Variants in SLC15A5 observed in about 807,000 individuals in gnomAD.
SLC15A5 encodes the protein solute carrier family 15 member 5, also known as Peptide/histidine transporter ENSP00000340402.
A neutral mutation model predicts 56.1 loss-of-function variants in SLC15A5; 58 were observed. The observed-to-expected ratio is 1.03, with a 90% CI of 0.84 to 1.29. The LOEUF (loss-of-function observed/expected upper bound fraction) is 1.29, where lower values mean the gene tolerates loss of function less well. SLC15A5 is among the 50% of genes most tolerant of loss of function. SLC15A5 has a pLI of 0.00. For synonymous variants in SLC15A5, 264 were observed against 250.5 expected, an observed-to-expected ratio of 1.05 and a Z score of -0.51; for missense variants, 681 against 672.1, an observed-to-expected ratio of 1.01 and a Z score of -0.15.
chr12:16,238,629 C>CAA (rs36053667), intron 5 of SLC15A5, among the ~76,000 whole-genome samples: 1,411 of 115,858 alleles, frequency 0.012, 49 homozygotes, highest in East Asian at 0.038. Flanking sequence ...GACTCCGTCT[C>CAA]AAAAAAAAAA....
chr12:16,242,456 A>T (rs958089603), intron 4 of SLC15A5, among the ~76,000 whole-genome samples: 1 of 151,914 alleles, frequency 6.6e-6, no homozygotes, highest in Non-Finnish European at 1.5e-5. Context: ...GCTCTGCCAC[A>T]CATTAGCAAG....
chr12:16,266,131 CA>C (rs1864693900), intron 2 of SLC15A5, among the ~76,000 whole-genome samples: 1 of 152,104 alleles, frequency 6.6e-6, no homozygotes, highest in Non-Finnish European at 1.5e-5. Context: ...AGGTGAGGTA[CA>C]AAAAGTTATA....
At chr12:16,197,648 T>A (rs972039063) in intron 7 of SLC15A5, among the ~76,000 whole-genome samples, 1 of 152,040 alleles carries the variant, frequency 6.6e-6, no homozygotes, top group Non-Finnish European at 1.5e-5. Flanking sequence ...CCTTAGATTA[T>A]CACCTCCTCC....
At position 16,235,302 on chromosome 12, in the gene SLC15A5, GTA is replaced by G. The variant is rs1244156990; in HGVS notation, c.1162+4377_1162+4378del. Among the ~76,000 whole-genome samples the G allele has an allele frequency of 5.4e-5, 8 of 147,754 alleles. No individual in the cohort carries two copies. Among genetic ancestry groups the G allele is most frequent in the African/African-American group, 9.9e-5 (4 of 40,360 alleles). ...TATATGTATATATGTATATGTATATGTATATATATGTATATATGTATATGTAT... is the reference window on the plus strand; with the variant it reads ...TATATGTATATATGTATATGTATATGTATATATGTATATATGTATATGTAT... On this transcript the variant is annotated intron_variant, in intron 5 of 8. Coordinates refer to ENST00000344941, the MANE Select transcript of SLC15A5 (RefSeq NM_001170798.1). This position sits in a 1 kb window ranked among gnomAD's most constrained non-coding sequence, Gnocchi z 4.1.
intron 8 of SLC15A5, among the ~76,000 whole-genome samples, chr12:16,192,034 C>T (rs749311443): frequency 2.9e-4 from 44 of 152,214 alleles, no homozygotes; most frequent in South Asian, 1.5e-3. Flanking sequence ...AGTGTAGAAG[C>T]ATGGGCTTCA....
intron 5 of SLC15A5, 123 bp from the exon 6 acceptor site, chr12:16,224,725 T>A: frequency 2.1e-6 from 2 of 965,172 alleles, no homozygotes; most frequent in Non-Finnish European, 2.9e-6. Flanking sequence ...TGTTTTTATT[T>A]TTTTTTAATT....
At chr12:16,208,738 G>T (rs1220320073) in intron 7 of SLC15A5, among the ~76,000 whole-genome samples, 2 of 152,040 alleles carry the variant, frequency 1.3e-5, no homozygotes, top group African/African-American at 2.4e-5. Flanking sequence ...TTAAATACAA[G>T]GTTCCCACTT....
chr12:16,191,011 G>T (rs897880726), intron 8 of SLC15A5, among the ~76,000 whole-genome samples: 2 of 152,102 alleles, frequency 1.3e-5, no homozygotes, highest in Admixed American at 1.3e-4. Context: ...ATGTGGGATA[G>T]AATACATATT....
At chr12:16,207,893 T>A (rs943683631) in intron 7 of SLC15A5, among the ~76,000 whole-genome samples, 1 of 152,170 alleles carries the variant, frequency 6.6e-6, no homozygotes, top group Non-Finnish European at 1.5e-5. Context: ...CCTCAGGTGA[T>A]CTGCCCACCT....
intron 7 of SLC15A5, among the ~76,000 whole-genome samples, chr12:16,205,590 TACATATAC>T (rs1232653594): frequency 0.23 from 13,117 of 56,714 alleles, 1,621 homozygotes; most frequent in Admixed American, 0.38. Flanking sequence ...CATATATATA[TACATATAC>T]ACACACACAC....
chr12:16,234,280 G>A (rs549194625), intron 5 of SLC15A5, among the ~76,000 whole-genome samples: 1 of 152,158 alleles, frequency 6.6e-6, no homozygotes, highest in Non-Finnish European at 1.5e-5. Flanking sequence ...CAATACTGTT[G>A]TACTGGGGAT....
In SLC15A5 at chr12:16,189,287, A is replaced by T. The variant is rs183261243; in HGVS notation, c.*381T>A. ...GGGATCACTAAGTGTATTGAAAGAGAGTATATTAAAATACTGTCATTTTGC... is the reference window on the plus strand; with the variant it reads ...GGGATCACTAAGTGTATTGAAAGAGTGTATATTAAAATACTGTCATTTTGC... On this transcript the variant is annotated 3_prime_UTR_variant, in exon 9 of 9. Coordinates refer to ENST00000344941, the MANE Select transcript of SLC15A5 (RefSeq NM_001170798.1). The T allele has an allele frequency of 6.5e-6, 1 of 154,984 alleles. No homozygotes were observed. The highest frequency in any genetic ancestry group is 1.4e-5 in the Non-Finnish European group (1 of 69,942). 9.6% of individuals were successfully genotyped at this position (154,984 alleles called of 1,614,324 possible).
chr12:16,254,426 T>G (rs1864548956), intron 3 of SLC15A5, among the ~76,000 whole-genome samples: 1 of 152,162 alleles, frequency 6.6e-6, no homozygotes. Context: ...TGAATATACT[T>G]AACACTACTG....
chr12:16,245,108 G>T (rs926996343), intron 3 of SLC15A5, among the ~76,000 whole-genome samples: 2 of 152,152 alleles, frequency 1.3e-5, no homozygotes, highest in Admixed American at 6.5e-5. Flanking sequence ...TCTCTCAGAA[G>T]TCTCTAACTT....
At position 16,196,094 on chromosome 12, in the gene SLC15A5, A is replaced by G. The variant is rs1178667538; in HGVS notation, c.1484-1641T>C. 1.3e-5 allele frequency among the ~76,000 whole-genome samples: 2 copies of G among 152,028 alleles called. No individual in the cohort carries two copies. Among genetic ancestry groups the G allele is most frequent in the African/African-American group, 4.8e-5 (2 of 41,420 alleles). ...CTGTGTGTGTCTTATTTATCCTTAT[A>G]TTTTCAGTATTTAGATCAGTGCCTG... On this transcript the variant is annotated intron_variant, in intron 7 of 8. Transcript: ENST00000344941. This position sits in a 1 kb window ranked among gnomAD's most constrained non-coding sequence, Gnocchi z 4.0.
At chr12:16,212,025 G>A (rs1288590923) in intron 7 of SLC15A5, among the ~76,000 whole-genome samples, 1 of 152,058 alleles carries the variant, frequency 6.6e-6, no homozygotes, top group African/African-American at 2.4e-5. Flanking sequence ...ATGCACACAT[G>A]CTCAGCTGAC....
chr12:16,208,632 A>G (rs1864045458), intron 7 of SLC15A5, among the ~76,000 whole-genome samples: 1 of 152,126 alleles, frequency 6.6e-6, no homozygotes, highest in Non-Finnish European at 1.5e-5. Context: ...ATGCCACTGC[A>G]CTCCAGCCTG....
At chr12:16,260,688 T>G (rs957496660) in intron 2 of SLC15A5, among the ~76,000 whole-genome samples, 1 of 152,026 alleles carries the variant, frequency 6.6e-6, no homozygotes, top group Non-Finnish European at 1.5e-5. Flanking sequence ...AATTTTTATC[T>G]TTATTGGTTC....
intron 2 of SLC15A5, among the ~76,000 whole-genome samples, chr12:16,268,346 G>A (rs1256988408): frequency 2.1e-5 from 1 of 47,700 alleles, no homozygotes; most frequent in African/African-American, 8.7e-5. Flanking sequence ...AGGTAAAGAA[G>A]GAAGTGCTTG....
Sources: allele counts gnomAD v4.1 joint callset (sites outside exome capture counted in the v4.1 genomes callset), GRCh38; gene constraint gnomAD v4.1.1; non-coding constraint Gnocchi (gnomAD v3.1); transcripts MANE v1.5; gene names NCBI Gene and HGNC (gene_info 2026-07-23, HGNC 2026-07-21).